The following SLCO6A1 variants were observed in gnomAD, a reference collection of about 807,000 sequenced individuals.
SLCO6A1 encodes the protein solute carrier organic anion transporter family member 6A1.
In SLCO6A1, 65 loss-of-function variants were observed where a neutral mutation model predicts 72.7. That is an observed-to-expected ratio of 0.89 (90% CI 0.73 to 1.10). SLCO6A1 has a LOEUF of 1.10. Among genes scored for constraint, SLCO6A1 ranks in the 50% least tolerant of loss-of-function variants. The pLI is 0.00. For synonymous variants in SLCO6A1, 314 were observed against 298.2 expected (o/e 1.05, Z -0.55); for missense variants, 874 against 872.6 (o/e 1.00, Z -0.02).
chr5:102,490,482 A>T (rs948756795), intron 1 of SLCO6A1, among the ~76,000 whole-genome samples: 3 of 152,240 alleles, frequency 2.0e-5, no homozygotes, highest in African/African-American at 7.2e-5. Flanking sequence ...GATAATTCAT[A>T]AGGAAAGGAG....
chr5:102,373,315 A>T (rs1188217917), intron 13 of SLCO6A1, 22 bp downstream of exon 13: 6 of 1,433,780 alleles, frequency 4.2e-6, no homozygotes, highest in South Asian at 1.7e-5. Context: ...TCATTGATAG[A>T]TTGACAATGT....
At chr5:102,438,931 C>T (rs1310434562) in intron 6 of SLCO6A1, among the ~76,000 whole-genome samples, 170 bp from the exon 7 acceptor site, 2 of 151,876 alleles carry the variant, frequency 1.3e-5, no homozygotes, top group East Asian at 3.9e-4. Flanking sequence ...TCAGACAGAT[C>T]CAAACAGCAA....
At chr5:102,425,973 C>T (rs571758778) in intron 7 of SLCO6A1, among the ~76,000 whole-genome samples, 1 of 152,252 alleles carries the variant, frequency 6.6e-6, no homozygotes, top group African/African-American at 2.4e-5. Flanking sequence ...TGTGTATCTA[C>T]AACTATCTGA....
chr5:102,450,242 C>T (rs745586614), intron 6 of SLCO6A1, among the ~76,000 whole-genome samples: 1 of 152,164 alleles, frequency 6.6e-6, no homozygotes, highest in Non-Finnish European at 1.5e-5. Context: ...CTGGTTCTTA[C>T]TCATGTGTGT....
chr5:102,417,588 G>A (rs1748356716), intron 8 of SLCO6A1, among the ~76,000 whole-genome samples: 1 of 152,012 alleles, frequency 6.6e-6, no homozygotes, highest in Admixed American at 6.6e-5. Context: ...AGCATTTCAT[G>A]TAAACCCATA....
At position 102,467,312 on chromosome 5, in the gene SLCO6A1, C is replaced by T. The variant is rs76703395; in HGVS notation, c.900-7535G>A. Among the ~76,000 whole-genome samples the T allele has an allele frequency of 1.5e-3, 229 of 151,980 alleles. 3 individuals are homozygous for T. In the East Asian group the frequency reaches 0.043, roughly 29 times the overall value. On this transcript the variant is annotated intron_variant, in intron 4 of 13. Coordinates refer to ENST00000506729, the MANE Select transcript of SLCO6A1 (RefSeq NM_173488.5). ...TGCATGCCTGTAGTCCTAGCTACTC[C>T]AGAGGTGGGAGGATCACCTGAGTCC...
rs369302302 is a variant in SLCO6A1 at position 102,466,323 on chromosome 5, G to A, written c.900-6546C>T. Among the ~76,000 whole-genome samples the A allele has an allele frequency of 4.0e-5, 6 of 151,894 alleles. 1 individual carries two copies. The highest frequency in any genetic ancestry group is 4.2e-4 in the South Asian group (2 of 4,800). ...TAGTTTACTAAGGATAATGGCCTCCGGCTCCATTCATATCCCTCCAAAGGA... is the reference window on the plus strand; with the variant it reads ...TAGTTTACTAAGGATAATGGCCTCCAGCTCCATTCATATCCCTCCAAAGGA... On this transcript the variant is annotated intron_variant, in intron 4 of 13. Coordinates refer to ENST00000506729, the MANE Select transcript of SLCO6A1 (RefSeq NM_173488.5).
At chr5:102,475,881 G>A in intron 3 of SLCO6A1, 88 bp from the exon 4 acceptor site, 1 of 983,820 alleles carries the variant, frequency 1.0e-6, no homozygotes, top group South Asian at 1.7e-5. Flanking sequence ...GATTACTTCT[G>A]AAAGCTTTTC....
chr5:102,476,141 A>C (rs1295751267), intron 3 of SLCO6A1, among the ~76,000 whole-genome samples: 2 of 152,080 alleles, frequency 1.3e-5, no homozygotes, highest in African/African-American at 2.4e-5. Context: ...CCAAAATCTC[A>C]TAAATCACCA....
At position 102,373,124 on chromosome 5, in the gene SLCO6A1, A is replaced by G. The variant is rs1750714078; in HGVS notation, c.*15+213T>C. 3.3e-5 allele frequency among the ~76,000 whole-genome samples: 5 copies of G among 151,912 alleles called. No individual in the cohort carries two copies. The South Asian group carries it at 1.0e-3, about 31-fold the overall frequency. ...TATTTTCACTCAATCTCTTTCAATC[A>G]AAGTATTATCTTTCATTGAAAGTAT... On this transcript the variant is annotated intron_variant, in intron 13 of 13. Coordinates refer to ENST00000506729, the MANE Select transcript of SLCO6A1 (RefSeq NM_173488.5).
intron 13 of SLCO6A1, among the ~76,000 whole-genome samples, chr5:102,372,525 A>T (rs895277467): frequency 2.0e-5 from 3 of 151,698 alleles, no homozygotes; most frequent in African/African-American, 7.2e-5. Context: ...ATTTTAGCTT[A>T]AAAAATCTAT....
intron 6 of SLCO6A1, among the ~76,000 whole-genome samples, chr5:102,443,894 A>G (rs1242612864): frequency 6.6e-6 from 1 of 152,188 alleles, no homozygotes; most frequent in African/African-American, 2.4e-5. Flanking sequence ...AAAGGGAGAA[A>G]TCAGAATAGT....
At chr5:102,485,151 T>G (rs953398244) in intron 1 of SLCO6A1, among the ~76,000 whole-genome samples, 1 of 152,082 alleles carries the variant, frequency 6.6e-6, no homozygotes, top group Non-Finnish European at 1.5e-5. Context: ...TTTGGGAGAC[T>G]GAGGCAGGAG....
At position 102,498,677 on chromosome 5, in the gene SLCO6A1, C is replaced by T. The variant is rs767892320; in HGVS notation, c.168G>A (p.Glu56=). Residue 56 remains glutamate, a synonymous_variant, in exon 1 of 14, where the codon GAG becomes GAA. Transcript: ENST00000506729. ...GGAAACCGCCGAACCTTATCAAGGCCTCTGGAAGTAGTCTCAGATACCGGT... is the reference window on the plus strand; with the variant it reads ...GGAAACCGCCGAACCTTATCAAGGCTTCTGGAAGTAGTCTCAGATACCGGT... ...KKHRYLRLLP[E]ALIRFGGFRK... 3 of 1,614,110 alleles carry T rather than the reference C, an allele frequency of 1.9e-6. No homozygotes were observed. In the South Asian group the frequency reaches 3.3e-5, roughly 18 times the overall value.
intron 6 of SLCO6A1, among the ~76,000 whole-genome samples, chr5:102,446,002 C>A (rs1750090209): frequency 6.6e-6 from 1 of 152,106 alleles, no homozygotes; most frequent in African/African-American, 2.4e-5. Flanking sequence ...GTGGCATCCT[C>A]CAGCTTTGCT....
chr5:102,395,277 G>A (rs1747004885), intron 10 of SLCO6A1, among the ~76,000 whole-genome samples: 1 of 151,850 alleles, frequency 6.6e-6, no homozygotes, highest in Non-Finnish European at 1.5e-5. Flanking sequence ...ACCTATGAGT[G>A]AGAACATGCG....
Position 102,461,021 on chromosome 5 carries a change from G to T in SLCO6A1, c.900-1244C>A, listed in dbSNP as rs887170720. The stretch of plus-strand genomic sequence containing the variant: ...CACTAGGGCTGCATGTTTCCTCATT[G>T]ATTATAATAGTCAGGAGTTTTTTTC... On this transcript the variant is annotated intron_variant, in intron 4 of 13. Transcript: ENST00000506729. 2.1e-5 allele frequency among the ~76,000 whole-genome samples: 3 copies of T among 145,492 alleles called. No homozygotes were observed. The South Asian group carries it at 6.6e-4, about 32-fold the overall frequency.
chr5:102,431,684 G>C (rs1435056139), intron 7 of SLCO6A1, among the ~76,000 whole-genome samples: 1 of 152,186 alleles, frequency 6.6e-6, no homozygotes, highest in Non-Finnish European at 1.5e-5. Context: ...GTGCCATGTG[G>C]CAATGAGAAG....
Position 102,480,314 on chromosome 5 carries a change from A to T in SLCO6A1, c.479T>A (p.Ile160Lys), listed in dbSNP as rs752672311. Residue 160 changes from isoleucine (I) to lysine (K), a missense_variant, in exon 2 of 14, where the codon ATA becomes AAA. By Grantham distance (102) the Ile-to-Lys change is moderately radical. Coordinates refer to ENST00000506729, the MANE Select transcript of SLCO6A1 (RefSeq NM_173488.5). ...TCTGTCTCCATAGAATGCTATAAATATTGCTACCAGGCCAGATGAAATATC... is the reference window on the plus strand; with the variant it reads ...TCTGTCTCCATAGAATGCTATAAATTTTGCTACCAGGCCAGATGAAATATC... Reference protein sequence around the residue: ...SYDISSGLVAIFIAFYGDRKK... With the variant: ...SYDISSGLVAKFIAFYGDRKK... 6.2e-7 allele frequency: 1 copy of T among 1,613,624 alleles called. No homozygotes were observed. Among genetic ancestry groups the T allele is most frequent in the East Asian group, 2.2e-5 (1 of 44,780 alleles).
Sources: allele counts gnomAD v4.1 joint callset (sites outside exome capture counted in the v4.1 genomes callset), GRCh38; gene constraint gnomAD v4.1.1; transcripts MANE v1.5; gene names NCBI Gene and HGNC (gene_info 2026-07-23, HGNC 2026-07-21).